Variants in PGCKA1 observed in about 807,000 individuals in gnomAD.
The protein encoded by PGCKA1 is PDCD10 and GCKIII kinases-associated protein 1.
At chr4:37,541,889 G>T in the PGCKA1 span, among the ~76,000 whole-genome samples, 1 of 152,164 alleles carries the variant, frequency 6.6e-6, no homozygotes, top group Non-Finnish European at 1.5e-5. Flanking sequence ...ACAGAGGAGA[G>T]AGTCCAGTGG....
At chr4:37,590,411 A>T in the PGCKA1 span, 1 of 1,613,514 alleles carries the variant, frequency 6.2e-7, no homozygotes, top group African/African-American at 1.3e-5. Flanking sequence ...ACCCAGGATG[A>T]CAGGGGCTCC....
At chr4:37,558,064 A>C in the PGCKA1 span, 2 of 152,342 alleles carry the variant, frequency 1.3e-5, no homozygotes, top group East Asian at 3.9e-4. Flanking sequence ...CTAACAGACA[A>C]TATCCACAAC....
At chr4:37,473,817 A>G in the PGCKA1 span, among the ~76,000 whole-genome samples, 1 of 152,084 alleles carries the variant, frequency 6.6e-6, no homozygotes, top group South Asian at 2.1e-4. Flanking sequence ...ATGATACCCA[A>G]ATGCCTTTCT....
At chr4:37,554,917 G>A in the PGCKA1 span, among the ~76,000 whole-genome samples, 1,134 of 152,318 alleles carry the variant, frequency 7.4e-3, 4 homozygotes, top group Middle Eastern at 0.02. Context: ...ATGTCGTATT[G>A]TAGAAGGCCT....
the PGCKA1 span, among the ~76,000 whole-genome samples, chr4:37,517,333 C>T: frequency 6.7e-6 from 1 of 148,622 alleles, no homozygotes; most frequent in African/African-American, 2.5e-5. Flanking sequence ...AGAGAGAGCA[C>T]CTGTGTATAT....
At chr4:37,571,220 T>G in the PGCKA1 span, among the ~76,000 whole-genome samples, 1 of 152,096 alleles carries the variant, frequency 6.6e-6, no homozygotes, top group Non-Finnish European at 1.5e-5. Flanking sequence ...TACCCTTTAT[T>G]TGCCTCTAGA....
chr4:37,529,062 T>C, the PGCKA1 span, among the ~76,000 whole-genome samples: 2 of 152,210 alleles, frequency 1.3e-5, no homozygotes, highest in African/African-American at 2.4e-5. Context: ...GTGCTTTTAT[T>C]TCAATTTAGA....
chr4:37,574,356 CTT>C, the PGCKA1 span, among the ~76,000 whole-genome samples: 1 of 152,078 alleles, frequency 6.6e-6, no homozygotes, highest in Non-Finnish European at 1.5e-5. Flanking sequence ...AAGTTGGTCT[CTT>C]GAATAATTCC....
chr4:37,536,272 C>T, the PGCKA1 span, among the ~76,000 whole-genome samples: 1 of 152,216 alleles, frequency 6.6e-6, no homozygotes, highest in African/African-American at 2.4e-5. Context: ...GGTAGAATTT[C>T]ACTCCCCTTG....
the PGCKA1 span, among the ~76,000 whole-genome samples, chr4:37,468,624 G>A: frequency 1.3e-5 from 2 of 152,062 alleles, no homozygotes; most frequent in Non-Finnish European, 2.9e-5. Context: ...CTCCCATTTT[G>A]CAAATTTGGT....
At chr4:37,462,029 A>T in the PGCKA1 span, among the ~76,000 whole-genome samples, 1 of 151,996 alleles carries the variant, frequency 6.6e-6, no homozygotes, top group Admixed American at 6.6e-5. Flanking sequence ...TAAAAGAAGG[A>T]TACTTTTTGG....
At chr4:37,544,162 G>T in the PGCKA1 span, among the ~76,000 whole-genome samples, 3,677 of 152,204 alleles carry the variant, frequency 0.024, 168 homozygotes, top group African/African-American at 0.084. Flanking sequence ...GCCAGATTTA[G>T]AATTATTTGT....
chr4:37,491,104 G>A, the PGCKA1 span, among the ~76,000 whole-genome samples: 1 of 152,144 alleles, frequency 6.6e-6, no homozygotes, highest in Middle Eastern at 3.2e-3. Context: ...AAGGAAAAGA[G>A]CAGTCCTCAG....
chr4:37,544,944 C>A, the PGCKA1 span, among the ~76,000 whole-genome samples: 3 of 151,450 alleles, frequency 2.0e-5, no homozygotes, highest in African/African-American at 7.3e-5. Flanking sequence ...CAACCTCTGC[C>A]CCCCGGGTTC....
the PGCKA1 span, among the ~76,000 whole-genome samples, chr4:37,458,945 A>T: frequency 6.6e-6 from 1 of 152,186 alleles, no homozygotes; most frequent in Non-Finnish European, 1.5e-5. Context: ...CCTATTTTAC[A>T]GGTGAAGAAA....
At chr4:37,566,323 C>CA in the PGCKA1 span, among the ~76,000 whole-genome samples, 1 of 151,874 alleles carries the variant, frequency 6.6e-6, no homozygotes, top group Non-Finnish European at 1.5e-5. Flanking sequence ...CTCCATCACC[C>CA]AGGCTGGAGT....
the PGCKA1 span, among the ~76,000 whole-genome samples, chr4:37,567,676 C>T: frequency 6.6e-6 from 1 of 151,822 alleles, no homozygotes; most frequent in Non-Finnish European, 1.5e-5. Context: ...TTCTCTCTCA[C>T]ACACACACAC....
the PGCKA1 span, among the ~76,000 whole-genome samples, chr4:37,529,437 C>T: frequency 1.3e-5 from 2 of 152,104 alleles, no homozygotes; most frequent in Admixed American, 1.3e-4. Flanking sequence ...TAGGCTAATT[C>T]CCAGTGGCTC....
At chr4:37,484,819 C>A in the PGCKA1 span, among the ~76,000 whole-genome samples, 3 of 152,204 alleles carry the variant, frequency 2.0e-5, no homozygotes, top group Non-Finnish European at 4.4e-5. Flanking sequence ...CACCAGACAT[C>A]AGATCTGCTG....
Sources: gnomAD v4.1 joint callset for allele counts (sites outside exome capture counted in the v4.1 genomes callset) on GRCh38, gnomAD v4.1.1 for gene constraint, MANE v1.5 for transcripts, NCBI Gene and HGNC (gene_info 2026-07-23, HGNC 2026-07-21) for gene names.